Variants in CSRNP3 observed in about 807,000 individuals in gnomAD.
CSRNP3 encodes cysteine and serine rich nuclear protein 3.
CSRNP3 carries 12 observed loss-of-function variants against 48.0 expected under a neutral mutation model. That is an observed-to-expected ratio of 0.25 (90% CI 0.16 to 0.41). The LOEUF is 0.41. Among genes scored for constraint, CSRNP3 ranks in the 10% least tolerant of loss-of-function variants. The pLI, the probability that CSRNP3 is intolerant of heterozygous loss-of-function variation, is 1.00. For missense variants in CSRNP3, 580 were observed against 724.4 expected (o/e 0.80, Z 2.29); for synonymous variants, 263 against 269.7 (o/e 0.98, Z 0.24).
At position 165,584,332 on chromosome 2, in the gene CSRNP3, G is replaced by A. The variant is rs534084510; in HGVS notation, c.-23-10711G>A. ...TCTAGCCCTCACTCAAGATGGGGTCGCTCTGCTTTGAACCCCTCCGACACA... is the reference window on the plus strand; with the variant it reads ...TCTAGCCCTCACTCAAGATGGGGTCACTCTGCTTTGAACCCCTCCGACACA... On this transcript the variant is annotated intron_variant, in intron 3 of 6. Coordinates refer to ENST00000651982, the MANE Select transcript of CSRNP3 (RefSeq NM_001172173.2). Among the ~76,000 whole-genome samples the A allele has an allele frequency of 1.4e-3, 210 of 152,142 alleles. 1 individual carries two copies. Among genetic ancestry groups the A allele is most frequent in the Non-Finnish European group, 2.1e-3 (141 of 68,014 alleles).
chr2:165,501,672 T>G (rs1439051895), intron 2 of CSRNP3, among the ~76,000 whole-genome samples: 2 of 152,154 alleles, frequency 1.3e-5, no homozygotes, highest in African/African-American at 4.8e-5. Context: ...TATTTTTGAT[T>G]GGTATGTTCA....
chr2:165,557,045 G>T (rs1685168537), intron 3 of CSRNP3, among the ~76,000 whole-genome samples: 1 of 152,150 alleles, frequency 6.6e-6, no homozygotes, highest in African/African-American at 2.4e-5. Flanking sequence ...GGTGGCAAAA[G>T]TGGCAATCTT....
intron 4 of CSRNP3, among the ~76,000 whole-genome samples, chr2:165,657,186 G>C (rs191528321): frequency 3.3e-5 from 5 of 152,094 alleles, no homozygotes; most frequent in African/African-American, 1.2e-4. Flanking sequence ...TCGGTTATCA[G>C]ATCAACTGCC....
At chr2:165,648,826 A>G (rs1054633264) in intron 4 of CSRNP3, among the ~76,000 whole-genome samples, 1 of 152,226 alleles carries the variant, frequency 6.6e-6, no homozygotes, top group African/African-American at 2.4e-5. Flanking sequence ...AAATTTTCAC[A>G]TGCAGCTTTC....
intron 4 of CSRNP3, among the ~76,000 whole-genome samples, chr2:165,637,022 T>G (rs1015985044): frequency 1.3e-5 from 2 of 152,198 alleles, no homozygotes; most frequent in Non-Finnish European, 2.9e-5. Flanking sequence ...TGGCTTGTTT[T>G]GTTGTTTTGT....
intron 4 of CSRNP3, among the ~76,000 whole-genome samples, chr2:165,636,659 A>C (rs540256233): frequency 6.6e-6 from 1 of 152,252 alleles, no homozygotes; most frequent in Non-Finnish European, 1.5e-5. Context: ...ATAAAAACAT[A>C]CATATGTAAT....
chr2:165,623,177 G>A (rs1306360632), intron 4 of CSRNP3, among the ~76,000 whole-genome samples: 1 of 152,180 alleles, frequency 6.6e-6, no homozygotes, highest in African/African-American at 2.4e-5. Flanking sequence ...GTAATCCACA[G>A]ATGATTTAAA....
Position 165,678,730 on chromosome 2 carries a change from C to T in CSRNP3, c.735C>T (p.Cys245=). The T allele has an allele frequency of 6.2e-7, 1 of 1,613,960 alleles. No individual in the cohort carries two copies. ...ATCGTATGTCTTTCCCATGCGGCTG[C>T]ACTAAAGAAGGATGTAGTAACACAG... The part of the protein sequence containing the change: ...QVDRMSFPCG[C]TKEGCSNTAG... Residue 245 remains cysteine (C), a synonymous_variant, in exon 7 of 7, where the codon TGC becomes TGT. Coordinates refer to ENST00000651982, the MANE Select transcript of CSRNP3 (RefSeq NM_001172173.2).
intron 5 of CSRNP3, among the ~76,000 whole-genome samples, chr2:165,658,467 G>A (rs2105347331): frequency 6.6e-6 from 1 of 152,312 alleles, no homozygotes; most frequent in South Asian, 2.1e-4. Flanking sequence ...GGAGGTCAAG[G>A]AAAGCTTTCT....
intron 1 of CSRNP3, among the ~76,000 whole-genome samples, chr2:165,475,140 G>A (rs1046813532): frequency 6.6e-6 from 1 of 152,012 alleles, no homozygotes; most frequent in South Asian, 2.1e-4. Context: ...TTGTGATGGT[G>A]TCAGCGTTTT....
chr2:165,645,297 G>A (rs1329699103), intron 4 of CSRNP3, among the ~76,000 whole-genome samples: 1 of 151,944 alleles, frequency 6.6e-6, no homozygotes, highest in African/African-American at 2.4e-5. Flanking sequence ...TCATGCCACT[G>A]CACTCCAGCC....
At chr2:165,486,317 G>T (rs1684116199) in intron 1 of CSRNP3, among the ~76,000 whole-genome samples, 1 of 152,146 alleles carries the variant, frequency 6.6e-6, no homozygotes, top group Admixed American at 6.5e-5. Flanking sequence ...CTCGCTGATT[G>T]CTAGCACAGC....
chr2:165,653,972 C>CAAAAAAAAAAAAAAAAAAAAAAAAA (rs71028497), intron 4 of CSRNP3, among the ~76,000 whole-genome samples: 1 of 41,226 alleles, frequency 2.4e-5, no homozygotes, highest in African/African-American at 9.9e-5. Flanking sequence ...AGCTCTATCA[C>CAAAAAAAAAAAAAAAAAAAAAAAAA]AAAAAAAAAA....
intron 5 of CSRNP3, among the ~76,000 whole-genome samples, chr2:165,672,580 C>A (rs1351576743): frequency 6.6e-6 from 1 of 152,116 alleles, no homozygotes; most frequent in African/African-American, 2.4e-5. Context: ...ATTATGGGAG[C>A]TACATTTGGT....
intron 4 of CSRNP3, among the ~76,000 whole-genome samples, chr2:165,629,668 A>G (rs548257024): frequency 5.4e-4 from 83 of 152,314 alleles, no homozygotes; most frequent in African/African-American, 2.0e-3. Flanking sequence ...CATTCATGAA[A>G]TATTCTACCA....
chr2:165,595,262 A>T (rs778993217), intron 4 of CSRNP3, 49 bp downstream of exon 4: 2 of 1,492,312 alleles, frequency 1.3e-6, no homozygotes, highest in South Asian at 1.2e-5. Flanking sequence ...TCTACAGCAA[A>T]ACTAATTGTG....
intron 4 of CSRNP3, among the ~76,000 whole-genome samples, chr2:165,607,784 C>T (rs1347296734): frequency 5.9e-5 from 9 of 152,010 alleles, no homozygotes; most frequent in Admixed American, 5.2e-4. Flanking sequence ...TTTGTTGTAA[C>T]GGAAAAAGCC....
At chr2:165,474,598 A>AGAG (rs1451027659) in intron 1 of CSRNP3, among the ~76,000 whole-genome samples, 1 of 152,230 alleles carries the variant, frequency 6.6e-6, no homozygotes, top group Non-Finnish European at 1.5e-5. Context: ...TAAGGCGCAG[A>AGAG]GAGGACAATG....
At chr2:165,520,783 T>TTATATACATATATA (rs1553472387) in intron 3 of CSRNP3, among the ~76,000 whole-genome samples, 15 of 29,684 alleles carry the variant, frequency 5.1e-4, no homozygotes, top group African/African-American at 2.1e-3. Context: ...TATATATATA[T>TTATATACATATATA]TATATATATA....
Sources: allele counts gnomAD v4.1 joint callset (sites outside exome capture counted in the v4.1 genomes callset), GRCh38; gene constraint gnomAD v4.1.1; transcripts MANE v1.5; gene names NCBI Gene and HGNC (gene_info 2026-07-23, HGNC 2026-07-21).